FERRY3: variants seen among roughly 807,000 people sequenced by gnomAD.
The protein encoded by FERRY3 is FERRY endosomal RAB5 effector complex subunit 3, also known as protein C12orf4.
chr12:4,522,496 A>G, the FERRY3 span, among the ~76,000 whole-genome samples: 1 of 152,208 alleles, frequency 6.6e-6, no homozygotes, highest in East Asian at 1.9e-4. Context: ...AACTTACTAG[A>G]ATGTCTAAAT....
At chr12:4,531,989 A>G in the FERRY3 span, among the ~76,000 whole-genome samples, 1 of 152,190 alleles carries the variant, frequency 6.6e-6, no homozygotes, top group Non-Finnish European at 1.5e-5. Flanking sequence ...CAGATAAGCT[A>G]TAAGTCTGCC....
At chr12:4,521,077 T>C in the FERRY3 span, among the ~76,000 whole-genome samples, 19 of 151,708 alleles carry the variant, frequency 1.3e-4, no homozygotes, top group Non-Finnish European at 2.5e-4. Flanking sequence ...AGAAGAAAAA[T>C]AGGCTGGGTG....
the FERRY3 span, among the ~76,000 whole-genome samples, chr12:4,511,038 G>A: frequency 1.3e-5 from 2 of 149,590 alleles, no homozygotes; most frequent in East Asian, 3.9e-4. Context: ...TAAAAGGATG[G>A]AGGAAGATCT....
At chr12:4,505,083 C>T in the FERRY3 span, among the ~76,000 whole-genome samples, 2 of 152,118 alleles carry the variant, frequency 1.3e-5, no homozygotes, top group Non-Finnish European at 2.9e-5. Flanking sequence ...CCAGCCTGGG[C>T]GACAGAACGA....
At chr12:4,513,716 G>A in the FERRY3 span, among the ~76,000 whole-genome samples, 166 of 152,132 alleles carry the variant, frequency 1.1e-3, no homozygotes, top group South Asian at 2.7e-3. Context: ...ACTGGATCCC[G>A]TCCTTACACC....
chr12:4,529,934 A>G, the FERRY3 span: 1 of 1,613,582 alleles, frequency 6.2e-7, no homozygotes, highest in Non-Finnish European at 8.5e-7. Context: ...TAACAAAGTA[A>G]TTATGTTCCA....
At chr12:4,536,595 A>C in the FERRY3 span, among the ~76,000 whole-genome samples, 1 of 152,186 alleles carries the variant, frequency 6.6e-6, no homozygotes, top group African/African-American at 2.4e-5. Flanking sequence ...AAGAAAGTCA[A>C]AGAAGCAGAT....
the FERRY3 span, among the ~76,000 whole-genome samples, chr12:4,535,814 T>C: frequency 2.6e-5 from 4 of 152,188 alleles, no homozygotes; most frequent in African/African-American, 7.2e-5. This position sits in a 1 kb window ranked among gnomAD's most constrained non-coding sequence, Gnocchi z 4.0. Context: ...CTAATTTTTA[T>C]ATTTTATAAA....
chr12:4,532,855 C>T, the FERRY3 span, among the ~76,000 whole-genome samples: 2 of 152,172 alleles, frequency 1.3e-5, no homozygotes, highest in Non-Finnish European at 2.9e-5. Flanking sequence ...ATATTACCCA[C>T]CTAACAAAAC....
chr12:4,493,683 G>C, the FERRY3 span, among the ~76,000 whole-genome samples: 1 of 152,216 alleles, frequency 6.6e-6, no homozygotes, highest in African/African-American at 2.4e-5. Flanking sequence ...TGCTACAAAA[G>C]AGCTACAGTG....
chr12:4,519,928 A>G, the FERRY3 span, among the ~76,000 whole-genome samples: 2 of 152,216 alleles, frequency 1.3e-5, no homozygotes, highest in East Asian at 1.9e-4. The surrounding 1 kb of genome is among the most constrained non-coding windows in gnomAD (Gnocchi z 4.3). Flanking sequence ...GGCTCAGAGG[A>G]CTGCTGATCT....
chr12:4,492,383 C>T, the FERRY3 span, among the ~76,000 whole-genome samples: 1 of 152,148 alleles, frequency 6.6e-6, no homozygotes, highest in African/African-American at 2.4e-5. Context: ...ACTGGACACC[C>T]GTGCAAGAAT....
the FERRY3 span, among the ~76,000 whole-genome samples, chr12:4,493,416 G>A: frequency 6.6e-6 from 1 of 152,178 alleles, no homozygotes; most frequent in Non-Finnish European, 1.5e-5. Flanking sequence ...CATTTAAAAA[G>A]AATGTGACTT....
At chr12:4,518,439 T>C in the FERRY3 span, among the ~76,000 whole-genome samples, 6 of 152,190 alleles carry the variant, frequency 3.9e-5, no homozygotes, top group African/African-American at 1.4e-4. Context: ...AAACATTATA[T>C]AAATATACAA....
chr12:4,508,533 C>T, the FERRY3 span, among the ~76,000 whole-genome samples: 1 of 152,004 alleles, frequency 6.6e-6, no homozygotes, highest in Non-Finnish European at 1.5e-5. Flanking sequence ...TCACATGAGG[C>T]CAGGAGTTTG....
the FERRY3 span, among the ~76,000 whole-genome samples, chr12:4,517,842 ATTAT>A: frequency 2.0e-5 from 3 of 151,986 alleles, no homozygotes; most frequent in Non-Finnish European, 2.9e-5. Context: ...CTATAAAAAC[ATTAT>A]TTATAATAGC....
the FERRY3 span, among the ~76,000 whole-genome samples, chr12:4,506,253 C>A: frequency 6.6e-6 from 1 of 152,122 alleles, no homozygotes; most frequent in African/African-American, 2.4e-5. Flanking sequence ...ATTTTGGAAT[C>A]TATTTTGGAA....
the FERRY3 span, among the ~76,000 whole-genome samples, chr12:4,519,616 G>A: frequency 6.6e-6 from 1 of 152,304 alleles, no homozygotes; most frequent in East Asian, 1.9e-4. This position sits in a 1 kb window ranked among gnomAD's most constrained non-coding sequence, Gnocchi z 4.3. Context: ...AGTAAATACG[G>A]TAAATTTAAA....
At chr12:4,498,777 CTG>C in the FERRY3 span, among the ~76,000 whole-genome samples, 1 of 152,276 alleles carries the variant, frequency 6.6e-6, no homozygotes, top group African/African-American at 2.4e-5. Context: ...CAGGATGAAA[CTG>C]TTCCACCTCA....
Sources: gnomAD v4.1 joint callset for allele counts (sites outside exome capture counted in the v4.1 genomes callset) on GRCh38, gnomAD v4.1.1 for gene constraint, Gnocchi (gnomAD v3.1) non-coding constraint, MANE v1.5 for transcripts, NCBI Gene and HGNC (gene_info 2026-07-23, HGNC 2026-07-21) for gene names.